EYS: variants seen among roughly 807,000 people sequenced by gnomAD.
EYS encodes EGF-like photoreceptor maintenance factor, also known as protein eyes shut homolog.
In EYS, 250 loss-of-function variants were observed where a neutral mutation model predicts 282.1. The ratio of observed to expected loss-of-function variants is 0.89; its 90% CI spans 0.80 to 0.98. The LOEUF is 0.98. EYS is among the 50% of genes least tolerant of loss of function. The probability of loss-of-function intolerance (pLI) is 0.00; values close to 1 mark genes in which losing one functional copy is unlikely to be tolerated. For synonymous variants in EYS, 1,355 were observed against 1,282.9 expected (o/e 1.06, Z -1.20); for missense variants, 4,016 against 3,709.0 (o/e 1.08, Z -2.15).
intron 4 of EYS, among the ~76,000 whole-genome samples, chr6:65,491,779 C>A (rs995619727): frequency 6.6e-6 from 1 of 152,106 alleles, no homozygotes; most frequent in African/African-American, 2.4e-5. Flanking sequence ...GAAGTCCTAT[C>A]CCTCAGCATC....
chr6:63,950,763 T>C (rs1330678227), intron 35 of EYS, among the ~76,000 whole-genome samples: 4 of 152,152 alleles, frequency 2.6e-5, no homozygotes, highest in Non-Finnish European at 1.5e-5. Flanking sequence ...TTTTACTCTC[T>C]TCTCCAACCT....
At chr6:64,614,627 G>A (rs1767212586) in intron 24 of EYS, among the ~76,000 whole-genome samples, 1 of 152,022 alleles carries the variant, frequency 6.6e-6, no homozygotes, top group Admixed American at 6.6e-5. Flanking sequence ...TATTGTAAGT[G>A]GAAAATGCAT....
intron 22 of EYS, among the ~76,000 whole-genome samples, chr6:64,677,454 A>G (rs992127577): frequency 1.3e-5 from 2 of 152,228 alleles, no homozygotes; most frequent in Non-Finnish European, 2.9e-5. Context: ...AAATTAAATC[A>G]TGTTAGCCAC....
rs1232936090 is a variant in EYS, at chr6:64,806,842, T to C, written c.3443+6536A>G. ...GAAAAAAAAAATGCCTGGAACAGGG[T>C]TTCACATATTAAAAACAAACCATCT... On this transcript the variant is annotated intron_variant, in intron 22 of 42. Transcript: ENST00000503581. Among the ~76,000 whole-genome samples, 3 of 151,886 alleles carry C rather than the reference T, an allele frequency of 2.0e-5. No homozygotes were observed. In the East Asian group the frequency reaches 5.8e-4, roughly 29 times the overall value.
intron 19 of EYS, among the ~76,000 whole-genome samples, chr6:64,850,262 C>G (rs1460024043): frequency 6.6e-6 from 1 of 152,068 alleles, no homozygotes; most frequent in Non-Finnish European, 1.5e-5. Flanking sequence ...AACTATAAAT[C>G]TATCTCCTTA....
intron 12 of EYS, among the ~76,000 whole-genome samples, chr6:65,235,510 T>C (rs1214569636): frequency 6.6e-6 from 1 of 152,188 alleles, no homozygotes; most frequent in African/African-American, 2.4e-5. Context: ...TTCTCCTTTA[T>C]ATAGTTCATA....
chr6:64,938,661 A>G (rs1397918625), intron 15 of EYS, among the ~76,000 whole-genome samples: 2 of 151,648 alleles, frequency 1.3e-5, no homozygotes, highest in Non-Finnish European at 3.0e-5. Flanking sequence ...ATAATTTATT[A>G]TAAAATAGGA....
rs543226060 is a variant in EYS, at chr6:65,469,761, T to C, written c.862+20833A>G. ...AGGAATTCAAACTTCAACATATCTC[T>C]CACTATCCTCAAAAAACTTTCTTCC... On this transcript the variant is annotated intron_variant, in intron 5 of 42. Transcript: ENST00000503581. Among the ~76,000 whole-genome samples, 39 of 152,156 alleles carry C rather than the reference T, an allele frequency of 2.6e-4. No homozygotes were observed. The South Asian group carries it at 8.1e-3, about 32-fold the overall frequency.
rs529641276 is a variant in EYS, at chr6:65,250,184, C to T, written c.2023+45679G>A. Among the ~76,000 whole-genome samples, 107 of 152,032 alleles carry T rather than the reference C, an allele frequency of 7.0e-4. No individual in the cohort carries two copies. In the South Asian group the frequency reaches 7.7e-3, roughly 11 times the overall value. Reference sequence around the variant, plus strand: ...TGGATGATGATACCATAGTTGCTTTCGGTTAAGAGCATCAAATCAAACATA... The same window carrying T: ...TGGATGATGATACCATAGTTGCTTTTGGTTAAGAGCATCAAATCAAACATA... On this transcript the variant is annotated intron_variant, in intron 12 of 42. Coordinates refer to ENST00000503581, the MANE Select transcript of EYS (RefSeq NM_001142800.2).
chr6:64,694,515 T>C (rs1342421300), intron 22 of EYS, among the ~76,000 whole-genome samples: 3 of 152,088 alleles, frequency 2.0e-5, no homozygotes, highest in African/African-American at 4.8e-5. Context: ...GGAGGATTGA[T>C]ACTAGGAAGT....
intron 29 of EYS, among the ~76,000 whole-genome samples, chr6:64,367,609 A>AG (rs1437462790): frequency 2.6e-5 from 2 of 78,248 alleles, no homozygotes; most frequent in Non-Finnish European, 5.9e-5. Context: ...GTTGGATTTC[A>AG]GAAAAAAAAA....
chr6:64,390,312 C>A (rs1773073093), intron 28 of EYS, among the ~76,000 whole-genome samples: 1 of 152,192 alleles, frequency 6.6e-6, no homozygotes. Context: ...GGCTCCACCT[C>A]TGGGGGCAGG....
At chr6:64,366,691 G>A (rs750392719) in intron 29 of EYS, among the ~76,000 whole-genome samples, 3 of 151,978 alleles carry the variant, frequency 2.0e-5, no homozygotes, top group Non-Finnish European at 4.4e-5. Flanking sequence ...GCTATTGAAG[G>A]CCAGAGAACA....
At chr6:64,068,742 T>A (rs1018216286) in intron 32 of EYS, among the ~76,000 whole-genome samples, 14 of 152,244 alleles carry the variant, frequency 9.2e-5, no homozygotes, top group South Asian at 2.1e-4. Context: ...TTACTTAAGT[T>A]CTACACTCTA....
chr6:64,660,783 A>G (rs1768981127), intron 22 of EYS, among the ~76,000 whole-genome samples: 1 of 152,206 alleles, frequency 6.6e-6, no homozygotes. Flanking sequence ...GGGTAAGAAG[A>G]ATCAATATCA....
chr6:64,525,596 A>G (rs1052838301), intron 26 of EYS, among the ~76,000 whole-genome samples: 3 of 151,672 alleles, frequency 2.0e-5, no homozygotes, highest in Non-Finnish European at 4.4e-5. Context: ...TGGGTGATGA[A>G]ATAATCTGCA....
intron 33 of EYS, among the ~76,000 whole-genome samples, chr6:64,065,985 C>T (rs1016145932): frequency 1.3e-5 from 2 of 152,106 alleles, no homozygotes; most frequent in Admixed American, 6.6e-5. Flanking sequence ...GAGTTCAGGC[C>T]GGGCATGGTG....
intron 12 of EYS, among the ~76,000 whole-genome samples, chr6:65,230,016 G>A (rs764575248): frequency 2.0e-5 from 3 of 151,842 alleles, no homozygotes; most frequent in Non-Finnish European, 4.4e-5. Context: ...GAAATGAAAA[G>A]AAAACAATGG....
At chr6:63,828,169 G>A (rs1478701239) in intron 36 of EYS, among the ~76,000 whole-genome samples, 2 of 151,870 alleles carry the variant, frequency 1.3e-5, no homozygotes, top group Non-Finnish European at 2.9e-5. Flanking sequence ...TACACCTCAA[G>A]GAAATAGAGA....
Sources: allele counts gnomAD v4.1 joint callset (sites outside exome capture counted in the v4.1 genomes callset), GRCh38; gene constraint gnomAD v4.1.1; transcripts MANE v1.5; gene names NCBI Gene and HGNC (gene_info 2026-07-23, HGNC 2026-07-21).